A2ML1: variants seen among roughly 807,000 people sequenced by gnomAD.
A2ML1 encodes the protein alpha-2-macroglobulin like 1, also known as alpha-2-macroglobulin-like protein 1.
A neutral mutation model predicts 181.9 loss-of-function variants in A2ML1; 161 were observed. That is an observed-to-expected ratio of 0.89 (90% CI 0.78 to 1.01). The LOEUF (loss-of-function observed/expected upper bound fraction) is 1.01. Among genes scored for constraint, A2ML1 ranks in the 50% least tolerant of loss-of-function variants. The pLI, the probability that A2ML1 is intolerant of heterozygous loss-of-function variation, is 0.00. For missense variants in A2ML1, 1,670 were observed against 1,768.1 expected (o/e 0.94, Z 1.00); for synonymous variants, 663 against 666.8 (o/e 0.99, Z 0.09).
chr12:8,875,704 G>A (rs917411038), intron 35 of A2ML1: 1 of 152,198 alleles, frequency 6.6e-6, no homozygotes, highest in African/African-American at 2.4e-5. Context: ...CTCCCAAAGT[G>A]CTGGGATTAC....
At chr12:8,853,054 G>T (rs999108436) in intron 20 of A2ML1, among the ~76,000 whole-genome samples, 1 of 152,112 alleles carries the variant, frequency 6.6e-6, no homozygotes, top group Admixed American at 6.6e-5. Context: ...GAGTACAGTG[G>T]TGTGGTCATT....
intron 7 of A2ML1, among the ~76,000 whole-genome samples, chr12:8,883,996 G>C (rs922591568): frequency 5.9e-5 from 9 of 151,972 alleles, no homozygotes; most frequent in African/African-American, 1.9e-4. Flanking sequence ...ATGTTAATCA[G>C]GCTGGTCTTG....
In A2ML1 at chr12:8,869,196, T is replaced by C; in HGVS notation, c.4214T>C (p.Leu1405Ser). Residue 1405 changes from leucine (L) to serine (S), a missense_variant, in exon 33 of 36, where the codon TTG becomes TCG. By Grantham distance (145) the Leu-to-Ser change is moderately radical. Transcript: ENST00000299698. Reference sequence around the variant, plus strand: ...GGAACTGACACACTTAACATTTACTTGGATGAGGTAGGTATTCAGGAACCA... The same window carrying C: ...GGAACTGACACACTTAACATTTACTCGGATGAGGTAGGTATTCAGGAACCA... ...EFGTDTLNIY[L>S]DELIKNTQTY... 1 of 1,614,056 alleles carries C rather than the reference T, an allele frequency of 6.2e-7. No homozygotes were observed. The highest frequency in any genetic ancestry group is 8.5e-7 in the Non-Finnish European group (1 of 1,179,988).
rs1007463257 is a variant in A2ML1 at position 8,839,118 on chromosome 12, G to A, written c.976G>A (p.Glu326Lys). 6.2e-7 allele frequency: 1 copy of A among 1,611,172 alleles called. No individual in the cohort carries two copies. Among genetic ancestry groups the A allele is most frequent in the Non-Finnish European group, 8.5e-7 (1 of 1,178,502 alleles). ...ATVVEEGTGV[E>K]ANATQNIYIS... ...CATCTGGTTTCCCTCTGCAGGTGTG[G>A]AGGCCAATGCCACTCAGAATATCTA... Residue 326 changes from glutamate to lysine, a missense_variant, in exon 10 of 36, where the codon GAG becomes AAG. Transcript: ENST00000299698.
Position 8,872,353 on chromosome 12 carries a change from G to A in A2ML1, c.4222-2072G>A, listed in dbSNP as rs144990153. Among the ~76,000 whole-genome samples the A allele has an allele frequency of 3.0e-3, 461 of 151,860 alleles. 5 individuals carry two copies. The highest frequency in any genetic ancestry group is 0.01 in the African/African-American group (424 of 41,428). On this transcript the variant is annotated intron_variant, in intron 33 of 35. Transcript: ENST00000299698. Reference sequence around the variant, plus strand: ...TTACTGAGGACCTCAAACAGCTTTCGGTGAAGTGGGTTTTAACTATTGGTC... The same window carrying A: ...TTACTGAGGACCTCAAACAGCTTTCAGTGAAGTGGGTTTTAACTATTGGTC...
chr12:8,858,590 A>G (rs1039389152), intron 26 of A2ML1, among the ~76,000 whole-genome samples: 2 of 152,170 alleles, frequency 1.3e-5, no homozygotes, highest in African/African-American at 4.8e-5. Context: ...TGCCTCAAAA[A>G]GAAAAAGAGA....
intron 28 of A2ML1, among the ~76,000 whole-genome samples, chr12:8,862,761 G>T (rs903559295): frequency 7.9e-5 from 12 of 151,196 alleles, no homozygotes; most frequent in Non-Finnish European, 1.5e-5. Flanking sequence ...CTGTTCCACC[G>T]TGTATTGGTT....
chr12:8,849,727 A>C lies in A2ML1; in HGVS notation c.2087A>C (p.His696Pro). Residue 696 changes from histidine (H) to proline (P), a missense_variant, in exon 17 of 36, where the codon CAC becomes CCC. By Grantham distance (77) the His-to-Pro change is moderately conservative. Coordinates refer to ENST00000299698, the MANE Select transcript of A2ML1 (RefSeq NM_144670.6). ...AKIKKPVDCS[H>P]RSPEYSTAMG... is the part of the protein sequence containing the mutation. ...ATCAAGAAGCCAGTAGATTGCAGTCACAGATCTCCAGAATACAGCACTGCT... is the reference window on the plus strand; with the variant it reads ...ATCAAGAAGCCAGTAGATTGCAGTCCCAGATCTCCAGAATACAGCACTGCT... 6.2e-7 allele frequency: 1 copy of C among 1,614,220 alleles called. No homozygotes were observed. The highest frequency in any genetic ancestry group is 8.5e-7 in the Non-Finnish European group (1 of 1,180,032).
intron 7 of A2ML1, among the ~76,000 whole-genome samples, chr12:8,837,211 G>A (rs1315163435): frequency 6.6e-6 from 1 of 152,002 alleles, no homozygotes; most frequent in African/African-American, 2.4e-5. Context: ...GTAGAGACAG[G>A]ATCTTGCCAT....
intron 23 of A2ML1, 120 bp downstream of exon 23, chr12:8,855,712 GA>G: frequency 1.1e-6 from 1 of 890,618 alleles, no homozygotes; most frequent in Non-Finnish European, 1.8e-6. Context: ...AGTGATGAAG[GA>G]AAAAGAGCGT....
chr12:8,854,396 C>A, intron 21 of A2ML1, 147 bp downstream of exon 21: 2 of 1,288,352 alleles, frequency 1.6e-6, no homozygotes, highest in Non-Finnish European at 2.1e-6. Flanking sequence ...TGAACATTTG[C>A]CTAATCCACA....
At chr12:8,847,166 C>G (rs757050805) in intron 14 of A2ML1, among the ~76,000 whole-genome samples, 4 of 111,038 alleles carry the variant, frequency 3.6e-5, no homozygotes, top group Non-Finnish European at 6.6e-5. Flanking sequence ...CCAGGCTGGT[C>G]TTGAACTCCT....
In A2ML1 at chr12:8,863,961, T is replaced by C. The variant is rs765103217; in HGVS notation, c.3670T>C (p.Trp1224Arg). Residue 1224 changes from tryptophan to arginine, a missense_variant, in exon 29 of 36, where the codon TGG becomes CGG. Trp to Arg is a moderately radical substitution (Grantham distance 101). Transcript: ENST00000299698. ...EIAKATSIVAWLAKQHNAYGG... is the reference protein window; with the variant it reads ...EIAKATSIVARLAKQHNAYGG... ...AGCGAAGGCCACTAGCATAGTGGCTTGGTTGGCCAAGCAACACAATGCATA... is the reference window on the plus strand; with the variant it reads ...AGCGAAGGCCACTAGCATAGTGGCTCGGTTGGCCAAGCAACACAATGCATA... The C allele has an allele frequency of 1.9e-6, 3 of 1,612,986 alleles. No individual in the cohort carries two copies. The highest frequency in any genetic ancestry group is 1.7e-6 in the Non-Finnish European group (2 of 1,179,664).
intron 34 of A2ML1, 80 bp from the exon 35 acceptor site, chr12:8,874,891 A>G: frequency 1.4e-6 from 2 of 1,405,892 alleles, no homozygotes; most frequent in South Asian, 2.4e-5. Flanking sequence ...AAGGGGCTCA[A>G]GCAGTAGCTT....
At position 8,863,891 on chromosome 12, in the gene A2ML1, A is replaced by T; in HGVS notation, c.3600A>T (p.Ala1200=). The T allele has an allele frequency of 6.2e-7, 1 of 1,614,152 alleles. No individual in the cohort carries two copies. The highest frequency in any genetic ancestry group is 8.5e-7 in the Non-Finnish European group (1 of 1,180,002). The change falls in exon 29 of 36, where the codon GCA becomes GCT. Residue 1200 remains alanine (A), a synonymous_variant. Coordinates refer to ENST00000299698, the MANE Select transcript of A2ML1 (RefSeq NM_144670.6). Reference sequence around the variant, plus strand: ...TAGATGTGGAACTCACAGCATATGCATTGTTGGCCCAGCTTACCAAGCCCA... The same window carrying T: ...TAGATGTGGAACTCACAGCATATGCTTTGTTGGCCCAGCTTACCAAGCCCA... ...AAVDVELTAY[A]LLAQLTKPSL...
At chr12:8,872,253 T>C (rs1239108525) in intron 33 of A2ML1, among the ~76,000 whole-genome samples, 2 of 151,894 alleles carry the variant, frequency 1.3e-5, no homozygotes, top group East Asian at 3.9e-4. Flanking sequence ...CTTTAATTCA[T>C]TATGGTGACC....
At chr12:8,860,559 C>G (rs2136928129) in intron 26 of A2ML1, among the ~76,000 whole-genome samples, 1 of 152,216 alleles carries the variant, frequency 6.6e-6, no homozygotes, top group East Asian at 1.9e-4. Context: ...GGCAGATTCT[C>G]TCCTTATTCC....
At position 8,847,651 on chromosome 12, in the gene A2ML1, G is replaced by A; in HGVS notation, c.1786G>A (p.Glu596Lys). Residue 596 changes from glutamate to lysine, a missense_variant, in exon 15 of 36, where the codon GAG becomes AAG. Physicochemically the swap from Glu to Lys is moderately conservative, Grantham distance 56. Transcript: ENST00000299698. ...CCTGTGTGCGCTCCGGGCGGTGGATGAGAGTGTCTTACTGCTTAGGCCAGA... is the reference window on the plus strand; with the variant it reads ...CCTGTGTGCGCTCCGGGCGGTGGATAAGAGTGTCTTACTGCTTAGGCCAGA... ...GSLCALRAVDESVLLLRPDRE... is the reference protein window; with the variant it reads ...GSLCALRAVDKSVLLLRPDRE... 1 of 1,613,886 alleles carries A rather than the reference G, an allele frequency of 6.2e-7. No individual in the cohort carries two copies. Among genetic ancestry groups the A allele is most frequent in the Non-Finnish European group, 8.5e-7 (1 of 1,179,902 alleles).
chr12:8,841,515 T>C lies in A2ML1; in HGVS notation c.1227T>C (p.Asn409=). 1.2e-6 allele frequency: 2 copies of C among 1,614,048 alleles called. No homozygotes were observed. The highest frequency in any genetic ancestry group is 1.7e-6 in the Non-Finnish European group (2 of 1,179,978). Reference sequence around the variant, plus strand: ...TTACCTTGGAGACATCCGGTTGGAATGGGACAGACGTTTCTCTGGAGGTAA... The same window carrying C: ...TTACCTTGGAGACATCCGGTTGGAACGGGACAGACGTTTCTCTGGAGGTAA... ...APFTLETSGW[N]GTDVSLEGKF... is the part of the protein sequence containing the mutation. Residue 409 remains asparagine (N), a synonymous_variant, in exon 11 of 36, where the codon AAT becomes AAC. Transcript: ENST00000299698.
Sources: allele counts gnomAD v4.1 joint callset (sites outside exome capture counted in the v4.1 genomes callset), GRCh38; gene constraint gnomAD v4.1.1; transcripts MANE v1.5; gene names NCBI Gene and HGNC (gene_info 2026-07-23, HGNC 2026-07-21).